The following GGA2 variants were observed in gnomAD, a reference collection of about 807,000 sequenced individuals.
GGA2 encodes ADP-ribosylation factor-binding protein GGA2.
A neutral mutation model predicts 79.5 loss-of-function variants in GGA2; 48 were observed. The observed-to-expected ratio is 0.60, with a 90% CI of 0.48 to 0.77. The LOEUF (loss-of-function observed/expected upper bound fraction) is 0.77, where lower values mean the gene tolerates loss of function less well. Ranked by LOEUF, GGA2 falls within the 30% of genes least tolerant of loss-of-function variation. The pLI is 0.00. For missense variants in GGA2, 770 were observed against 774.0 expected (o/e 0.99, Z 0.06); for synonymous variants, 317 against 302.0 (o/e 1.05, Z -0.51).
intron 2 of GGA2, among the ~76,000 whole-genome samples, chr16:23,518,705 A>T (rs965483794): frequency 3.6e-5 from 2 of 55,620 alleles, no homozygotes; most frequent in Non-Finnish European, 8.1e-5. Context: ...AATGGAAGTG[A>T]TACTGGTAAC....
chr16:23,473,348 T>TC lies in GGA2; in HGVS notation c.1450+1555_1450+1556insG, dbSNP rs1398657244. Among the ~76,000 whole-genome samples, 30 of 139,008 alleles carry TC rather than the reference T, an allele frequency of 2.2e-4. 1 individual carries two copies. Among genetic ancestry groups the TC allele is most frequent in the African/African-American group, 7.6e-4 (29 of 38,004 alleles). 91.2% of individuals were successfully genotyped at this position (139,008 alleles called of 152,430 possible). On this transcript the variant is annotated intron_variant, in intron 14 of 16. Coordinates refer to ENST00000309859, the MANE Select transcript of GGA2 (RefSeq NM_015044.4). ...TTCTAGTCTTTTTTTTTTTTTTTTTTTTTTTTTTAGACAGAGTCTTCTCTG... is the reference window on the plus strand; with the variant it reads ...TTCTAGTCTTTTTTTTTTTTTTTTTTCTTTTTTTTAGACAGAGTCTTCTCTG...
At chr16:23,484,491 G>T (rs954266523) in intron 8 of GGA2, among the ~76,000 whole-genome samples, 3 of 152,104 alleles carry the variant, frequency 2.0e-5, no homozygotes, top group African/African-American at 4.8e-5. Context: ...CCAAAGGAAG[G>T]GAGAAAACTG....
At chr16:23,500,846 A>G (rs1487353066) in intron 1 of GGA2, 1 of 192,484 alleles carries the variant, frequency 5.2e-6, no homozygotes, top group African/African-American at 2.4e-5. Context: ...GCTTCTGACC[A>G]TCCAAGGGAA....
intron 1 of GGA2, among the ~76,000 whole-genome samples, chr16:23,500,223 C>T (rs2142139031): frequency 6.6e-6 from 1 of 152,216 alleles, no homozygotes; most frequent in Middle Eastern, 3.2e-3. Context: ...CAAGGGCTGG[C>T]CCTGCCAGCG....
rs377383705 is a variant in GGA2 at position 23,497,780 on chromosome 16, C to T, written c.92-2002G>A. Among the ~76,000 whole-genome samples the T allele has an allele frequency of 1.7e-3, 261 of 152,304 alleles. 14 individuals are homozygous for T. In the South Asian group the frequency reaches 0.05, roughly 29 times the overall value. On this transcript the variant is annotated intron_variant, in intron 1 of 16. Transcript: ENST00000309859. ...CCCCTTCTCCGATAGGGATCTCCAG[C>T]TACACCCATTAGTCACATGTACTTG... is the stretch of plus-strand genomic sequence containing the variant.
At chr16:23,485,648 C>T (rs1207379115) in intron 8 of GGA2, among the ~76,000 whole-genome samples, 1 of 152,182 alleles carries the variant, frequency 6.6e-6, no homozygotes, top group East Asian at 1.9e-4. Context: ...TGCTGTGGTA[C>T]ATCCAGGTGA....
chr16:23,475,187 GCC>G, intron 13 of GGA2, 126 bp from the exon 14 acceptor site: 1 of 474,308 alleles, frequency 2.1e-6, no homozygotes, highest in African/African-American at 2.2e-5. Flanking sequence ...GATGTTATAT[GCC>G]TTTTTTTTTT....
At chr16:23,470,197 C>A in intron 14 of GGA2, 32 bp from the exon 15 acceptor site, 1 of 1,537,508 alleles carries the variant, frequency 6.5e-7, no homozygotes, top group South Asian at 1.3e-5. Context: ...GAAGGTTTAA[C>A]ACCACTACAA....
upstream of GGA2, among the ~76,000 whole-genome samples, chr16:23,510,683 CAGA>C (rs1965037281): frequency 6.6e-6 from 1 of 152,256 alleles, no homozygotes. Flanking sequence ...ATTTGATTTT[CAGA>C]AGAACACGAA....
chr16:23,465,722 C>T lies in GGA2; in HGVS notation c.*1868G>A, dbSNP rs1337743470. On this transcript the variant is annotated 3_prime_UTR_variant, in exon 17 of 17. Coordinates refer to ENST00000309859, the MANE Select transcript of GGA2 (RefSeq NM_015044.4). ...CTGGGAGGCCAAGGCAGGCGGATCA[C>T]CTGAGGTCAGGAGTTCGAGACCAGC... is the stretch of plus-strand genomic sequence containing the variant. 1 of 271,894 alleles carries T rather than the reference C, an allele frequency of 3.7e-6. No homozygotes were observed. Among genetic ancestry groups the T allele is most frequent in the African/African-American group, 2.2e-5 (1 of 45,950 alleles). The allele number at this position is 271,894 out of a possible 1,614,324, so 16.8% of individuals were successfully genotyped here.
Sources: gnomAD v4.1 joint callset for allele counts (sites outside exome capture counted in the v4.1 genomes callset) on GRCh38, gnomAD v4.1.1 for gene constraint, MANE v1.5 for transcripts, NCBI Gene and HGNC (gene_info 2026-07-23, HGNC 2026-07-21) for gene names.